The following DLC1 variants were observed in gnomAD, a reference collection of about 807,000 sequenced individuals.
DLC1 encodes rho GTPase-activating protein 7.
Under a neutral mutation model 140.3 loss-of-function variants are expected in DLC1, and 54 were observed. The observed-to-expected ratio is 0.38, with a 90% CI of 0.31 to 0.48. The LOEUF (loss-of-function observed/expected upper bound fraction) is 0.48. Among genes scored for constraint, DLC1 ranks in the 20% least tolerant of loss-of-function variants. DLC1 has a pLI of 0.96. For synonymous variants in DLC1, 986 were observed against 728.1 expected (o/e 1.35, Z -5.70); for missense variants, 2,536 against 1,907.0 (o/e 1.33, Z -6.14).
At chr8:13,547,319 A>T (rs1803685860) in intron 1 of DLC1, among the ~76,000 whole-genome samples, 2 of 152,040 alleles carry the variant, frequency 1.3e-5, no homozygotes. Context: ...CATTATATCA[A>T]ATGACCGTCA....
At chr8:13,300,454 C>T (rs967043352) in intron 5 of DLC1, among the ~76,000 whole-genome samples, 1 of 152,218 alleles carries the variant, frequency 6.6e-6, no homozygotes, top group Non-Finnish European at 1.5e-5. Context: ...AGTAAATCTA[C>T]ATTGAACTTA....
At chr8:13,486,572 T>C (rs560895742) in intron 2 of DLC1, among the ~76,000 whole-genome samples, 2 of 152,336 alleles carry the variant, frequency 1.3e-5, no homozygotes, top group South Asian at 4.1e-4. Flanking sequence ...ATTAACATTC[T>C]AAGTTACAGC....
At chr8:13,484,828 G>A (rs902591780) in intron 2 of DLC1, among the ~76,000 whole-genome samples, 2 of 151,714 alleles carry the variant, frequency 1.3e-5, no homozygotes, top group Non-Finnish European at 2.9e-5. Flanking sequence ...TTCTCACCTG[G>A]GTACCTACTG....
intron 4 of DLC1, among the ~76,000 whole-genome samples, chr8:13,361,558 G>A (rs1310261431): frequency 6.6e-6 from 1 of 152,020 alleles, no homozygotes; most frequent in African/African-American, 2.4e-5. Context: ...GAGCCACCAC[G>A]CCCTGCTCCA....
At chr8:13,293,794 A>G (rs1831848404) in intron 5 of DLC1, among the ~76,000 whole-genome samples, 1 of 152,134 alleles carries the variant, frequency 6.6e-6, no homozygotes, top group African/African-American at 2.4e-5. Flanking sequence ...AACATATTAA[A>G]AGAGAAATTG....
intron 1 of DLC1, chr8:13,558,936 G>C (rs1207690523): frequency 6.6e-6 from 1 of 152,168 alleles, no homozygotes; most frequent in Non-Finnish European, 1.5e-5. Flanking sequence ...ATGCTGCATT[G>C]AAAAGGCAGA....
chr8:13,429,397 G>T (rs900521767), intron 2 of DLC1, among the ~76,000 whole-genome samples: 4 of 151,946 alleles, frequency 2.6e-5, no homozygotes, highest in Non-Finnish European at 5.9e-5. Context: ...ATCCCCATAC[G>T]GTCTGATTTA....
At chr8:13,193,490 G>A (rs528864790) in intron 5 of DLC1, among the ~76,000 whole-genome samples, 1 of 152,206 alleles carries the variant, frequency 6.6e-6, no homozygotes, top group African/African-American at 2.4e-5. Context: ...CAGATATAAA[G>A]AGCATAACAA....
chr8:13,369,251 G>T (rs754827092), intron 4 of DLC1, among the ~76,000 whole-genome samples: 3 of 151,370 alleles, frequency 2.0e-5, no homozygotes, highest in Admixed American at 6.6e-5. Context: ...GCCATAGAGT[G>T]GAGTTGTTGA....
At chr8:13,300,348 A>G (rs1418755987) in intron 5 of DLC1, among the ~76,000 whole-genome samples, 2 of 152,218 alleles carry the variant, frequency 1.3e-5, no homozygotes, top group Non-Finnish European at 2.9e-5. Context: ...TACTTAGGTG[A>G]TGGGTTGATA....
chr8:13,542,537 G>A (rs771649143), intron 1 of DLC1, among the ~76,000 whole-genome samples: 4 of 151,836 alleles, frequency 2.6e-5, no homozygotes, highest in African/African-American at 7.3e-5. Flanking sequence ...TCAGAAACTG[G>A]TCATCAATTT....
chr8:13,514,419 A>T (rs975655570), intron 1 of DLC1, among the ~76,000 whole-genome samples, 183 bp downstream of exon 1: 11 of 152,222 alleles, frequency 7.2e-5, no homozygotes, highest in Non-Finnish European at 1.2e-4. Context: ...TAGAACTGAC[A>T]GTTTGCTAAA....
At chr8:13,259,135 T>A (rs1830378586) in intron 5 of DLC1, among the ~76,000 whole-genome samples, 2 of 86,002 alleles carry the variant, frequency 2.3e-5, no homozygotes, top group Non-Finnish European at 4.4e-5. Context: ...AAACTCCGTC[T>A]CAAGAAAAAA....
In DLC1 at chr8:13,092,647, A is replaced by C; in HGVS notation, c.3705T>G (p.His1235Gln). The change falls in exon 13 of 18, where the codon CAT (histidine) becomes CAG (glutamine). Residue 1235 changes from histidine to glutamine, a missense_variant. By Grantham distance (24) the His-to-Gln change is conservative. Coordinates refer to ENST00000276297, the MANE Select transcript of DLC1 (RefSeq NM_182643.3). ...AATTCTCTCTCTTCAGGGTGTTGAG[A>C]TGGAAGAGGGAAGGCGCTAAGCACA... ...LAVCLAPSLF[H>Q]LNTLKRENSS... The C allele has an allele frequency of 6.2e-7, 1 of 1,614,102 alleles. No homozygotes were observed. Among genetic ancestry groups the C allele is most frequent in the South Asian group, 1.1e-5 (1 of 91,068 alleles).
At chr8:13,584,009 G>A (rs1416919500) in intron 1 of DLC1, 2 of 152,374 alleles carry the variant, frequency 1.3e-5, no homozygotes, top group African/African-American at 4.8e-5. Flanking sequence ...TGTTCTGGTT[G>A]GATTTCTGTC....
chr8:13,448,437 C>T (rs1798893436), intron 2 of DLC1, among the ~76,000 whole-genome samples: 1 of 151,562 alleles, frequency 6.6e-6, no homozygotes, highest in African/African-American at 2.4e-5. Context: ...AATCTTGGCC[C>T]ACTGCAACCT....
At chr8:13,452,792 A>G (rs558959130) in intron 2 of DLC1, among the ~76,000 whole-genome samples, 4 of 152,098 alleles carry the variant, frequency 2.6e-5, no homozygotes, top group Admixed American at 2.6e-4. Flanking sequence ...ACAATCATAC[A>G]CGCTTGGTCA....
At chr8:13,369,332 C>T (rs772118555) in intron 4 of DLC1, among the ~76,000 whole-genome samples, 13 of 143,964 alleles carry the variant, frequency 9.0e-5, no homozygotes, top group Admixed American at 1.4e-4. Context: ...TAGTCTCGCA[C>T]GTCCAGTATT....
intron 5 of DLC1, among the ~76,000 whole-genome samples, chr8:13,174,711 T>C (rs1825668386): frequency 6.6e-6 from 1 of 152,180 alleles, no homozygotes; most frequent in Admixed American, 6.5e-5. Context: ...TTACTGGGGT[T>C]GTATGTTTTT....
Sources: gnomAD v4.1 joint callset for allele counts (sites outside exome capture counted in the v4.1 genomes callset) on GRCh38, gnomAD v4.1.1 for gene constraint, MANE v1.5 for transcripts, NCBI Gene and HGNC (gene_info 2026-07-23, HGNC 2026-07-21) for gene names.